TSPAN4: variants seen among roughly 807,000 people sequenced by gnomAD.
TSPAN4 encodes the protein tetraspanin 4, also known as tetraspanin-4.
A neutral mutation model predicts 31.5 loss-of-function variants in TSPAN4; 38 were observed. The observed-to-expected ratio is 1.21, with a 90% CI of 0.93 to 1.58. The LOEUF (loss-of-function observed/expected upper bound fraction) is 1.58, where lower values mean the gene tolerates loss of function less well. Ranked by LOEUF, TSPAN4 falls within the 40% of genes most tolerant of loss-of-function variation. The pLI, the probability that TSPAN4 is intolerant of heterozygous loss-of-function variation, is 0.00. For synonymous variants in TSPAN4, 186 were observed against 144.6 expected (o/e 1.29, Z -2.06); for missense variants, 330 against 317.3 (o/e 1.04, Z -0.30).
Position 848,783 on chromosome 11 carries a change from TGTGCCCTGTGGTGGGGCTGGGGCTTC to T in TSPAN4, c.-18+1484_-17-1479del. On this transcript the variant is annotated intron_variant, in intron 2 of 8. Coordinates refer to ENST00000397397, the MANE Select transcript of TSPAN4 (RefSeq NM_003271.5). The surrounding 1 kb of genome is among the most constrained non-coding windows in gnomAD (Gnocchi z 5.7). ...TATCTTCCCAACACCGCAGGGCCCT[TGTGCCCTGTGGTGGGGCTGGGGCTTC>T]AGAGGCGTGGGGTAGGCTGCAGGGC... is the stretch of plus-strand genomic sequence containing the variant. 1.8e-6 allele frequency: 1 copy of T among 565,200 alleles called. No homozygotes were observed. Among genetic ancestry groups the T allele is most frequent in the South Asian group, 2.2e-5 (1 of 45,750 alleles). 35.0% of individuals were successfully genotyped at this position (565,200 alleles called of 1,614,324 possible). A position where few individuals can be genotyped will look rare whatever the true frequency, so the allele number is the denominator to read the frequency against.
intron 8 of TSPAN4, among the ~76,000 whole-genome samples, chr11:866,316 T>C (rs1848825844): frequency 6.6e-6 from 1 of 151,346 alleles, no homozygotes; most frequent in Non-Finnish European, 1.5e-5. Context: ...GTTTCCAAAC[T>C]CCACAGCCCT....
intron 3 of TSPAN4, chr11:858,820 G>A (rs3923831): frequency 0.53 from 46,528 of 87,052 alleles, 9,821 homozygotes; most frequent in Admixed American, 0.59. Flanking sequence ...TCCCACCCCC[G>A]CTCACACGCA....
At chr11:861,896 C>G (rs1848478857) in intron 3 of TSPAN4, among the ~76,000 whole-genome samples, 1 of 152,122 alleles carries the variant, frequency 6.6e-6, no homozygotes, top group Admixed American at 6.5e-5. Context: ...GCACTCCAGC[C>G]TGAGCAACAG....
At chr11:859,086 C>T (rs1223046076) in intron 3 of TSPAN4, among the ~76,000 whole-genome samples, 1 of 136,578 alleles carries the variant, frequency 7.3e-6, no homozygotes, top group Non-Finnish European at 1.6e-5. Context: ...ACATGCACCC[C>T]GGCTCACACG....
intron 3 of TSPAN4, among the ~76,000 whole-genome samples, chr11:856,047 G>A (rs1827297127): frequency 6.6e-6 from 1 of 152,212 alleles, no homozygotes; most frequent in Admixed American, 6.5e-5. Context: ...CCTACAGGAG[G>A]CTCAAGGGGG....
At position 866,666 on chromosome 11, in the gene TSPAN4, C is replaced by T. The variant is rs773671948; in HGVS notation, c.*36C>T. 1 of 1,594,358 alleles carries T rather than the reference C, an allele frequency of 6.3e-7. No homozygotes were observed. The highest frequency in any genetic ancestry group is 8.5e-7 in the Non-Finnish European group (1 of 1,169,622). Reference sequence around the variant, plus strand: ...GCCCGCTTCTCTGCCAAAAGGACGCCCACGGGGAGATGGCCGCACCCACAG... The same window carrying T: ...GCCCGCTTCTCTGCCAAAAGGACGCTCACGGGGAGATGGCCGCACCCACAG... On this transcript the variant is annotated 3_prime_UTR_variant, in exon 9 of 9. Transcript: ENST00000397397.
rs547712201 is a variant in TSPAN4 at position 865,502 on chromosome 11, C to T, written c.331-11C>T. ...TGGGAGGGGCCCTGCTGACCCCCCC[C>T]GCACCCCCAGATTGACAGGTATGCC... On this transcript the variant is annotated splice_polypyrimidine_tract_variant and intron_variant, in intron 5 of 8. Coordinates refer to ENST00000397397, the MANE Select transcript of TSPAN4 (RefSeq NM_003271.5). 8 of 1,608,102 alleles carry T rather than the reference C, an allele frequency of 5.0e-6. 1 individual carries two copies. The African/African-American group carries it at 5.3e-5, about 11-fold the overall frequency.
intron 2 of TSPAN4, among the ~76,000 whole-genome samples, chr11:849,399 C>T (rs923343770): frequency 9.2e-5 from 14 of 151,808 alleles, no homozygotes; most frequent in Admixed American, 7.9e-4. Flanking sequence ...AAGTTGCCAC[C>T]AGACAGCAAC....
intron 3 of TSPAN4, chr11:858,134 G>A (rs1848163740): frequency 6.6e-6 from 1 of 152,380 alleles, no homozygotes; most frequent in Non-Finnish European, 1.5e-5. Context: ...GTGACCTTGT[G>A]CCCGACGGTC....
At chr11:861,051 G>T (rs1165916762) in intron 3 of TSPAN4, among the ~76,000 whole-genome samples, 2 of 152,200 alleles carry the variant, frequency 1.3e-5, no homozygotes, top group East Asian at 3.9e-4. Context: ...CCAAGCCCGA[G>T]GCCTCTGTCT....
At chr11:845,926 GCTC>G (rs1847296947) in intron 1 of TSPAN4, among the ~76,000 whole-genome samples, 1 of 152,162 alleles carries the variant, frequency 6.6e-6, no homozygotes, top group African/African-American at 2.4e-5. Context: ...CCCAGTCCCT[GCTC>G]CTCTGTGTGC....
At position 848,779 on chromosome 11, in the gene TSPAN4, C is replaced by T. The variant is rs1847459982; in HGVS notation, c.-18+1479C>T. 9 of 558,084 alleles carry T rather than the reference C, an allele frequency of 1.6e-5. No individual in the cohort carries two copies. The highest frequency in any genetic ancestry group is 1.4e-4 in the Admixed American group (4 of 29,256). The allele number at this position is 558,084 out of a possible 1,614,324, so 34.6% of individuals were successfully genotyped here. Reference sequence around the variant, plus strand: ...CTGATATCTTCCCAACACCGCAGGGCCCTTGTGCCCTGTGGTGGGGCTGGG... The same window carrying T: ...CTGATATCTTCCCAACACCGCAGGGTCCTTGTGCCCTGTGGTGGGGCTGGG... On this transcript the variant is annotated intron_variant, in intron 2 of 8. Transcript: ENST00000397397. The surrounding 1 kb of genome is among the most constrained non-coding windows in gnomAD (Gnocchi z 5.7).
intron 1 of TSPAN4, among the ~76,000 whole-genome samples, 191 bp from the exon 2 acceptor site, chr11:847,009 TG>T (rs1847358219): frequency 6.6e-6 from 1 of 152,180 alleles, no homozygotes; most frequent in Non-Finnish European, 1.5e-5. Context: ...AGAGCTTTCC[TG>T]GTTGGGGCTA....
chr11:846,491 T>G (rs1847331183), intron 1 of TSPAN4, among the ~76,000 whole-genome samples: 1 of 152,176 alleles, frequency 6.6e-6, no homozygotes. Context: ...AGAGAGCTAG[T>G]TCTGAGGGGC....
Position 852,796 on chromosome 11 carries a change from TC to T in TSPAN4, c.63+2431del, listed in dbSNP as rs535623369. On this transcript the variant is annotated intron_variant, in intron 3 of 8. Transcript: ENST00000397397. ...GACCAGGGGATACAACCTGGCCTCCTCCTCCTCCTCCTCCGTCTTCTCAGGG... is the reference window on the plus strand; with the variant it reads ...GACCAGGGGATACAACCTGGCCTCCTCTCCTCCTCCTCCGTCTTCTCAGGG... Among the ~76,000 whole-genome samples the T allele has an allele frequency of 2.9e-3, 446 of 152,270 alleles. 2 individuals are homozygous for T. The highest frequency in any genetic ancestry group is 0.01 in the African/African-American group (429 of 41,538).
intron 5 of TSPAN4, 155 bp from the exon 6 acceptor site, chr11:865,358 T>C (rs1848708727): frequency 1.6e-6 from 1 of 625,836 alleles, no homozygotes; most frequent in Non-Finnish European, 2.9e-6. Flanking sequence ...TGGGAGGACA[T>C]GGGGCCGGTG....
chr11:862,362 G>A, intron 3 of TSPAN4, 188 bp from the exon 4 acceptor site: 1 of 571,220 alleles, frequency 1.8e-6, no homozygotes. Flanking sequence ...AGCCCAGGGT[G>A]TCGGGAAAGA....
intron 5 of TSPAN4, chr11:864,715 G>C: frequency 3.1e-6 from 2 of 637,432 alleles, no homozygotes; most frequent in South Asian, 3.8e-5. Context: ...AGCGACTGGG[G>C]CACAAGGGCA....
rs983476195 is a variant in TSPAN4 at position 850,296 on chromosome 11, C to T, written c.-9C>T. 5.6e-6 allele frequency: 9 copies of T among 1,606,638 alleles called. No individual in the cohort carries two copies. Among genetic ancestry groups the T allele is most frequent in the African/African-American group, 2.7e-5 (2 of 74,946 alleles). Reference sequence around the variant, plus strand: ...CTTCATCTTCCTCCTAGAACTGAAGCGCTGCGGCATGGCGCGCGCCTGCCT... The same window carrying T: ...CTTCATCTTCCTCCTAGAACTGAAGTGCTGCGGCATGGCGCGCGCCTGCCT... On this transcript the variant is annotated 5_prime_UTR_variant, in exon 3 of 9. Coordinates refer to ENST00000397397, the MANE Select transcript of TSPAN4 (RefSeq NM_003271.5).
Sources: gnomAD v4.1 joint callset for allele counts (sites outside exome capture counted in the v4.1 genomes callset) on GRCh38, gnomAD v4.1.1 for gene constraint, Gnocchi (gnomAD v3.1) non-coding constraint, MANE v1.5 for transcripts, NCBI Gene and HGNC (gene_info 2026-07-23, HGNC 2026-07-21) for gene names.